MAPK6: variants seen among roughly 807,000 people sequenced by gnomAD.
MAPK6 encodes the protein mitogen-activated protein kinase 6, also known as ERK-3.
Under a neutral mutation model 59.3 loss-of-function variants are expected in MAPK6, and 19 were observed. The ratio of observed to expected loss-of-function variants is 0.32; its 90% CI spans 0.22 to 0.47. The LOEUF is 0.47. Ranked by LOEUF, MAPK6 falls within the 20% of genes least tolerant of loss-of-function variation. The probability of loss-of-function intolerance (pLI) is 1.00; values close to 1 mark genes in which losing one functional copy is unlikely to be tolerated. For missense variants in MAPK6, 724 were observed against 847.9 expected (o/e 0.85, Z 1.81); for synonymous variants, 316 against 290.3 (o/e 1.09, Z -0.90).
intron 1 of MAPK6, chr15:52,021,468 C>T (rs541888346): frequency 6.6e-6 from 1 of 150,958 alleles, no homozygotes; most frequent in Admixed American, 6.6e-5. Context: ...AGAGGAACAG[C>T]AGTTTCTCTA....
chr15:51,975,720 CT>C (rs1402777123), intron 1 of MAPK6, among the ~76,000 whole-genome samples: 1 of 151,702 alleles, frequency 6.6e-6, no homozygotes, highest in Non-Finnish European at 1.5e-5. Flanking sequence ...GATCATGTGG[CT>C]TTTCTGAGCA....
At chr15:51,975,994 C>T (rs951425101) in intron 1 of MAPK6, among the ~76,000 whole-genome samples, 21 of 151,698 alleles carry the variant, frequency 1.4e-4, no homozygotes, top group East Asian at 1.9e-4. Context: ...GGGCTGGACA[C>T]GGTGGCTCAC....
chr15:52,032,975 G>A (rs2031097884), intron 1 of MAPK6, among the ~76,000 whole-genome samples: 1 of 151,994 alleles, frequency 6.6e-6, no homozygotes, highest in South Asian at 2.1e-4. Flanking sequence ...GTGAGCCACC[G>A]CGCCCGGCCT....
intron 2 of MAPK6, among the ~76,000 whole-genome samples, chr15:51,987,658 G>A (rs753165656): frequency 1.3e-5 from 2 of 151,410 alleles, no homozygotes; most frequent in African/African-American, 2.4e-5. Flanking sequence ...AACCAACCCA[G>A]TACCCTCCAG....
At chr15:52,036,378 TAAAGA>T (rs898400346) in intron 1 of MAPK6, among the ~76,000 whole-genome samples, 3 of 152,184 alleles carry the variant, frequency 2.0e-5, no homozygotes, top group African/African-American at 7.2e-5. Flanking sequence ...GGGTAATTTA[TAAAGA>T]AGAGAAATTT....
In MAPK6 at chr15:51,978,619, G is replaced by A. The variant is rs143299927; in HGVS notation, c.-879-4587G>A. On this transcript the variant is annotated intron_variant, in intron 1 of 7. Coordinates refer to the MAPK6 transcript ENST00000691380. ...CCACCAAAATGAGTTATGAAAGTAC[G>A]CTCAATTTCAGAGATTTTTTGGGGG... is the stretch of plus-strand genomic sequence containing the variant. Among the ~76,000 whole-genome samples the A allele has an allele frequency of 1.3e-3, 190 of 151,582 alleles. 11 individuals are homozygous for A. Among genetic ancestry groups the A allele is most frequent in the East Asian group, 9.5e-3 (49 of 5,166 alleles).
Position 52,046,583 on chromosome 15 carries a change from C to G in MAPK6, c.123C>G (p.Asp41Glu), listed in dbSNP as rs889829521. Residue 41 changes from aspartate to glutamate, a missense_variant, in exon 2 of 6, where the codon GAC (aspartate) becomes GAG (glutamate). Asp to Glu is a conservative substitution (Grantham distance 45). Transcript: ENST00000261845. ...TGGTTTTTTCTGCTGTAGACAATGA[C>G]TGTGACAAAAGAGTAGCCATCAAGA... is the stretch of plus-strand genomic sequence containing the variant. ...NGLVFSAVDN[D>E]CDKRVAIKKI... The G allele has an allele frequency of 6.2e-7, 1 of 1,614,032 alleles. No individual in the cohort carries two copies. Among genetic ancestry groups the G allele is most frequent in the South Asian group, 1.1e-5 (1 of 91,094 alleles).
chr15:52,056,479 TTCTG>T (rs1437037026), intron 3 of MAPK6, among the ~76,000 whole-genome samples: 2 of 152,228 alleles, frequency 1.3e-5, no homozygotes, highest in Non-Finnish European at 2.9e-5. Flanking sequence ...TCTGCTTACA[TTCTG>T]TCTTTCACCC....
intron 1 of MAPK6, among the ~76,000 whole-genome samples, chr15:51,978,587 G>A (rs1466351417): frequency 1.3e-5 from 2 of 151,732 alleles, no homozygotes; most frequent in Admixed American, 6.6e-5. Flanking sequence ...GTTTGGGTCA[G>A]CATTTGCCAC....
At chr15:52,060,062 T>TGTA (rs1566914122) in intron 4 of MAPK6, among the ~76,000 whole-genome samples, 1 of 152,176 alleles carries the variant, frequency 6.6e-6, no homozygotes, top group Non-Finnish European at 1.5e-5. Context: ...TCATCCTTTC[T>TGTA]GTAGTATACC....
chr15:52,035,689 G>A (rs562473833), intron 1 of MAPK6: 1 of 151,632 alleles, frequency 6.6e-6, no homozygotes, highest in Non-Finnish European at 1.5e-5. Context: ...CTTATAGTTG[G>A]GCCTCCTCCA....
chr15:52,021,612 G>A (rs745903382), intron 1 of MAPK6: 3 of 152,150 alleles, frequency 2.0e-5, no homozygotes, highest in African/African-American at 4.8e-5. Context: ...TTTGATACTA[G>A]CAGTTTTTTG....
intron 2 of MAPK6, among the ~76,000 whole-genome samples, chr15:51,991,185 ATATATGTATATG>A (rs1211297677): frequency 6.6e-6 from 1 of 151,884 alleles, no homozygotes; most frequent in African/African-American, 2.4e-5. Flanking sequence ...ACACACATAT[ATATATGTATATG>A]TATATATGTA....
upstream of MAPK6, among the ~76,000 whole-genome samples, chr15:52,014,355 A>G (rs1289062842): frequency 6.6e-6 from 1 of 152,182 alleles, no homozygotes; most frequent in Non-Finnish European, 1.5e-5. Flanking sequence ...GACCCAATAG[A>G]CACATTCATA....
intron 2 of MAPK6, among the ~76,000 whole-genome samples, chr15:52,048,118 ATGT>A (rs1174746808): frequency 6.6e-6 from 1 of 152,048 alleles, no homozygotes; most frequent in African/African-American, 2.4e-5. Context: ...ATCTTCATAC[ATGT>A]TGTTTCACGT....
At chr15:51,984,010 G>C (rs1018126204) in intron 2 of MAPK6, among the ~76,000 whole-genome samples, 6 of 149,842 alleles carry the variant, frequency 4.0e-5, no homozygotes, top group Admixed American at 1.3e-4. Context: ...ATCCAGTCTA[G>C]AAATTGATGT....
chr15:52,026,679 G>A (rs2030790868), intron 1 of MAPK6, among the ~76,000 whole-genome samples: 2 of 152,186 alleles, frequency 1.3e-5, no homozygotes, highest in South Asian at 4.1e-4. Context: ...TGTGTGTAAA[G>A]AGCATCAGTG....
At chr15:52,016,070 G>GCGCGCGCGCA, upstream of MAPK6, among the ~76,000 whole-genome samples, 196 of 55,418 alleles carry the variant, frequency 3.5e-3, no homozygotes, top group East Asian at 7.9e-3. Context: ...GCGCGCGCGC[G>GCGCGCGCGCA]CACACACACA....
chr15:52,024,888 TTTTTTTTTTTTTTTA>T (rs1050442405), intron 1 of MAPK6, among the ~76,000 whole-genome samples: 1 of 146,020 alleles, frequency 6.8e-6, no homozygotes, highest in African/African-American at 2.6e-5. Flanking sequence ...CTTTTTTTTT[TTTTTTTTTTTTTTTA>T]AGAATTGGAG....
Sources: allele counts gnomAD v4.1 joint callset (sites outside exome capture counted in the v4.1 genomes callset), GRCh38; gene constraint gnomAD v4.1.1; transcripts MANE v1.5; gene names NCBI Gene and HGNC (gene_info 2026-07-23, HGNC 2026-07-21).